USP31: variants seen among roughly 807,000 people sequenced by gnomAD.
USP31 encodes the protein ubiquitin specific peptidase 31.
USP31 carries 44 observed loss-of-function variants against 119.4 expected under a neutral mutation model. The observed-to-expected ratio is 0.37, with a 90% CI of 0.29 to 0.47. USP31 has a LOEUF of 0.47. Ranked by LOEUF, USP31 falls within the 20% of genes least tolerant of loss-of-function variation. USP31 has a pLI of 0.99. For missense variants in USP31, 1,643 were observed against 1,730.2 expected (o/e 0.95, Z 0.89); for synonymous variants, 749 against 705.6 (o/e 1.06, Z -0.97).
chr16:23,074,358 T>C lies in USP31; in HGVS notation c.2177-478A>G, dbSNP rs1348717792. 2.6e-5 allele frequency among the ~76,000 whole-genome samples: 4 copies of C among 152,318 alleles called. No homozygotes were observed. In the East Asian group the frequency reaches 5.8e-4, roughly 22 times the overall value. On this transcript the variant is annotated intron_variant, in intron 13 of 15. Coordinates refer to ENST00000219689, the MANE Select transcript of USP31 (RefSeq NM_020718.4). ...GGGTGAAGAAACCCTGAGTTCAGTG[T>C]GTTGCAACATTTTAGTGTCTATTAG...
At position 23,068,566 on chromosome 16, in the gene USP31, C is replaced by A. The variant is rs775750903; in HGVS notation, c.3539G>T (p.Arg1180Leu). 1.2e-5 allele frequency: 20 copies of A among 1,613,968 alleles called. No homozygotes were observed. The highest frequency in any genetic ancestry group is 1.7e-5 in the Non-Finnish European group (20 of 1,180,020). ...CTCCCCTGCTCGGGCCTGGCTCACC[C>A]GAGGGGAATTGGGTTTGGAGGTGGA... is the stretch of plus-strand genomic sequence containing the variant. ...ATSTSKPNSPRVSQARAGEGR... is the reference protein window; with the variant it reads ...ATSTSKPNSPLVSQARAGEGR... Residue 1180 changes from arginine to leucine, a missense_variant, in exon 16 of 16, where the codon CGG becomes CTG. Around this residue, in one of 5 missense-constraint regions of USP31, gnomAD observed 699 missense variants for 650.9 expected, o/e 1.07. Transcript: ENST00000219689.
At chr16:23,108,589 G>A (rs1488978043) in intron 1 of USP31, among the ~76,000 whole-genome samples, 1 of 152,108 alleles carries the variant, frequency 6.6e-6, no homozygotes, top group Non-Finnish European at 1.5e-5. Context: ...ACATCCTTAA[G>A]AAATACTATA....
Position 23,080,064 on chromosome 16 carries a change from T to C in USP31, c.2058A>G (p.Pro686=). 2 of 1,614,110 alleles carry C rather than the reference T, an allele frequency of 1.2e-6. No individual in the cohort carries two copies. The highest frequency in any genetic ancestry group is 1.7e-6 in the Non-Finnish European group (2 of 1,179,966). ...GCCGTCTCCACGGGGACCAATGCGA[T>C]GGCAAACTCCAGCTGCTCTGGCTCC... The part of the protein sequence containing the change: ...VKRSQSSWSL[P]SHWSPWRRPY... The change falls in exon 13 of 16, where the codon CCA becomes CCG. Residue 686 remains proline, a synonymous_variant. Transcript: ENST00000219689.
At chr16:23,128,691 G>C (rs919703317) in intron 1 of USP31, among the ~76,000 whole-genome samples, 1 of 152,210 alleles carries the variant, frequency 6.6e-6, no homozygotes, top group East Asian at 1.9e-4. Context: ...TAAATTAACG[G>C]GTCAGGGAAC....
chr16:23,118,236 T>G (rs554702703), intron 1 of USP31, among the ~76,000 whole-genome samples: 1 of 152,340 alleles, frequency 6.6e-6, no homozygotes, highest in Non-Finnish European at 1.5e-5. Context: ...TCTAAAACTC[T>G]GTACAGATGC....
chr16:23,130,422 A>C (rs1902994072), intron 1 of USP31, among the ~76,000 whole-genome samples: 1 of 149,312 alleles, frequency 6.7e-6, no homozygotes. Flanking sequence ...CCCCCCCCCA[A>C]CTAATATTTT....
At chr16:23,073,652 G>C (rs1255200253) in intron 14 of USP31, 70 bp downstream of exon 14, 41 of 1,540,658 alleles carry the variant, frequency 2.7e-5, no homozygotes, top group Non-Finnish European at 3.3e-5. Flanking sequence ...CCTCCAGAGA[G>C]GTCCTCTAGA....
At chr16:23,080,201 G>C (rs763170217) in intron 12 of USP31, 30 bp from the exon 13 acceptor site, 2 of 1,519,372 alleles carry the variant, frequency 1.3e-6, no homozygotes, top group African/African-American at 1.4e-5. Flanking sequence ...AAGTTCTGGT[G>C]ATATTTTAAT....
At chr16:23,132,831 A>G (rs895539607) in intron 1 of USP31, among the ~76,000 whole-genome samples, 5 of 152,128 alleles carry the variant, frequency 3.3e-5, no homozygotes, top group African/African-American at 1.2e-4. Context: ...TATTTTTCCA[A>G]TCGTCAAGAG....
intron 1 of USP31, among the ~76,000 whole-genome samples, chr16:23,118,046 C>T (rs1045141857): frequency 9.2e-5 from 14 of 152,318 alleles, no homozygotes; most frequent in Middle Eastern, 6.8e-3. Flanking sequence ...ATTTCAGCCT[C>T]TCAAAGTGCT....
chr16:23,111,678 G>A (rs762024666), intron 1 of USP31, among the ~76,000 whole-genome samples: 10 of 152,294 alleles, frequency 6.6e-5, no homozygotes, highest in Non-Finnish European at 1.2e-4. Flanking sequence ...GAGAGACTGA[G>A]CCAGAGGACA....
intron 6 of USP31, among the ~76,000 whole-genome samples, chr16:23,098,369 A>T (rs999000197): frequency 5.3e-5 from 8 of 152,212 alleles, no homozygotes; most frequent in Non-Finnish European, 1.0e-4. Context: ...GGATAGGAAG[A>T]ATCAATATCG....
chr16:23,143,589 G>A (rs539201074), intron 1 of USP31, among the ~76,000 whole-genome samples: 70 of 151,332 alleles, frequency 4.6e-4, no homozygotes, highest in Non-Finnish European at 5.9e-4. Context: ...AGAGGTTGGG[G>A]GGGGGGAGAG....
At chr16:23,127,643 T>G (rs1239394031) in intron 1 of USP31, among the ~76,000 whole-genome samples, 5 of 83,336 alleles carry the variant, frequency 6.0e-5, no homozygotes, top group South Asian at 3.8e-4. Flanking sequence ...ATTTTTGTAG[T>G]TTTTTTTTTT....
At chr16:23,075,546 G>A (rs994863039) in intron 13 of USP31, among the ~76,000 whole-genome samples, 7 of 152,234 alleles carry the variant, frequency 4.6e-5, no homozygotes, top group South Asian at 2.1e-4. Context: ...GCCCACACGA[G>A]AGAAGCACCA....
rs189847837 is a variant in USP31, at chr16:23,115,948, G to T, written c.634-7765C>A. 336 of 221,806 alleles carry T rather than the reference G, an allele frequency of 1.5e-3. 5 individuals are homozygous for T. The Admixed American group carries it at 0.019, about 13-fold the overall frequency. The allele number at this position is 221,806 out of a possible 1,614,324, so 13.7% of individuals were successfully genotyped here. ...GAGGTCGAAGCATCCCAGGCTCCAG[G>T]GAAAAGATACTGACTGATCCAAGAC... On this transcript the variant is annotated intron_variant, in intron 1 of 15. Transcript: ENST00000219689.
chr16:23,084,836 A>C, intron 11 of USP31, 24 bp downstream of exon 11: 1 of 1,613,236 alleles, frequency 6.2e-7, no homozygotes, highest in Non-Finnish European at 8.5e-7. Flanking sequence ...CTGAGCAACC[A>C]AGAAATGCTG....
chr16:23,129,387 A>C (rs531310632), intron 1 of USP31, among the ~76,000 whole-genome samples: 6 of 152,268 alleles, frequency 3.9e-5, no homozygotes, highest in African/African-American at 1.4e-4. Flanking sequence ...AATATCAGAG[A>C]AATATGAACA....
chr16:23,087,694 C>A (rs372312027), intron 8 of USP31, 30 bp downstream of exon 8: 2 of 1,580,968 alleles, frequency 1.3e-6, no homozygotes, highest in East Asian at 2.2e-5. Flanking sequence ...TATACCCATG[C>A]TATGCTGGAA....
Sources: allele counts gnomAD v4.1 joint callset (sites outside exome capture counted in the v4.1 genomes callset), GRCh38; gene constraint gnomAD v4.1.1; regional missense constraint gnomAD v4.1.1; transcripts MANE v1.5; gene names NCBI Gene and HGNC (gene_info 2026-07-23, HGNC 2026-07-21).